The following LRRTM4 variants were observed in gnomAD, a reference collection of about 807,000 sequenced individuals.
LRRTM4 encodes leucine rich repeat transmembrane neuronal 4, also known as leucine-rich repeat transmembrane neuronal protein 4.
Under a neutral mutation model 47.6 loss-of-function variants are expected in LRRTM4, and 25 were observed. That is an observed-to-expected ratio of 0.53 (90% CI 0.38 to 0.73). The LOEUF (loss-of-function observed/expected upper bound fraction) is 0.73. LRRTM4 is among the 30% of genes least tolerant of loss of function. The pLI is 0.00. For missense variants in LRRTM4, 638 were observed against 713.4 expected (o/e 0.89, Z 1.20); for synonymous variants, 311 against 269.5 (o/e 1.15, Z -1.51).
intron 3 of LRRTM4, among the ~76,000 whole-genome samples, chr2:77,508,564 G>A (rs1434785418): frequency 6.6e-6 from 1 of 151,910 alleles, no homozygotes; most frequent in Non-Finnish European, 1.5e-5. Context: ...TGTCTTTTTT[G>A]TCTTTATGGG....
chr2:77,249,075 C>A (rs562022432), intron 3 of LRRTM4, among the ~76,000 whole-genome samples: 1 of 152,054 alleles, frequency 6.6e-6, no homozygotes, highest in Non-Finnish European at 1.5e-5. Flanking sequence ...GGGGGCCTGG[C>A]GCGGTGGCTC....
At chr2:77,306,903 T>C (rs1388307431) in intron 3 of LRRTM4, among the ~76,000 whole-genome samples, 1 of 136,374 alleles carries the variant, frequency 7.3e-6, no homozygotes, top group African/African-American at 3.3e-5. Context: ...CCATATTTTT[T>C]TTTTTTTTTT....
chr2:77,312,655 C>T (rs966257108), intron 3 of LRRTM4, among the ~76,000 whole-genome samples: 1 of 152,154 alleles, frequency 6.6e-6, no homozygotes, highest in Admixed American at 6.5e-5. Context: ...CACTCACACA[C>T]ACTCTTCCAT....
chr2:76,851,167 G>A (rs1185844936), intron 3 of LRRTM4, among the ~76,000 whole-genome samples: 1 of 152,122 alleles, frequency 6.6e-6, no homozygotes, highest in African/African-American at 2.4e-5. Context: ...TAAATTTCAG[G>A]TGATTTACAG....
chr2:77,045,489 G>C (rs574530357), intron 3 of LRRTM4, among the ~76,000 whole-genome samples: 49 of 152,024 alleles, frequency 3.2e-4, no homozygotes, highest in Admixed American at 2.5e-3. Flanking sequence ...CGGTTAGGCT[G>C]TGTCCCCACC....
intron 3 of LRRTM4, among the ~76,000 whole-genome samples, chr2:76,873,409 TATA>T (rs999603686): frequency 1.3e-5 from 2 of 150,654 alleles, no homozygotes; most frequent in African/African-American, 4.9e-5. Context: ...TGTATATGTA[TATA>T]ATGTGTGTAT....
chr2:76,935,059 AAAG>A (rs1674896758), intron 3 of LRRTM4, among the ~76,000 whole-genome samples: 1 of 152,300 alleles, frequency 6.6e-6, no homozygotes, highest in South Asian at 2.1e-4. Context: ...CAAAAAGAGA[AAAG>A]AATAGTAATA....
intron 3 of LRRTM4, among the ~76,000 whole-genome samples, chr2:77,249,368 A>C (rs1230180363): frequency 6.6e-6 from 1 of 152,074 alleles, no homozygotes; most frequent in Non-Finnish European, 1.5e-5. Flanking sequence ...TAAAATAAAT[A>C]AAATGAAATA....
intron 3 of LRRTM4, among the ~76,000 whole-genome samples, chr2:77,164,223 C>T (rs183975290): frequency 2.0e-5 from 3 of 152,280 alleles, no homozygotes; most frequent in East Asian, 3.9e-4. Flanking sequence ...CAGGTCATTA[C>T]ATAATGGTAA....
intron 3 of LRRTM4, among the ~76,000 whole-genome samples, chr2:76,860,408 G>A (rs1439991057): frequency 6.6e-6 from 1 of 152,108 alleles, no homozygotes; most frequent in African/African-American, 2.4e-5. Flanking sequence ...CACATAGTTG[G>A]ATACAAAAAC....
At chr2:76,878,716 A>C (rs934979103) in intron 3 of LRRTM4, among the ~76,000 whole-genome samples, 6 of 152,082 alleles carry the variant, frequency 3.9e-5, no homozygotes, top group African/African-American at 1.4e-4. Context: ...TCTACTAAAA[A>C]TACAAAATTT....
rs1033840749 is a variant in LRRTM4, at chr2:76,890,495, T to C, written c.1552-141579A>G. 5.3e-5 allele frequency among the ~76,000 whole-genome samples: 8 copies of C among 152,164 alleles called. No homozygotes were observed. The East Asian group carries it at 7.7e-4, about 15-fold the overall frequency. ...ATGTTGATTACATTTTCTAAGACTG[T>C]TTAATGTTCATATTGTCTCAGACTC... On this transcript the variant is annotated intron_variant, in intron 3 of 3. Coordinates refer to ENST00000409884, the MANE Select transcript of LRRTM4 (RefSeq NM_001134745.3).
chr2:76,775,612 T>G (rs1174696023), intron 3 of LRRTM4, among the ~76,000 whole-genome samples: 1 of 152,164 alleles, frequency 6.6e-6, no homozygotes, highest in Non-Finnish European at 1.5e-5. Context: ...GGTGTTTATC[T>G]TTTACCATCA....
At chr2:76,845,848 G>A (rs1438644032) in intron 3 of LRRTM4, among the ~76,000 whole-genome samples, 1 of 152,026 alleles carries the variant, frequency 6.6e-6, no homozygotes, top group Non-Finnish European at 1.5e-5. Context: ...CTAGGGAGAG[G>A]GGAAGTTTCA....
rs186427786 is a variant in LRRTM4 at position 77,138,379 on chromosome 2, A to G, written c.1551+379939T>C. Among the ~76,000 whole-genome samples, 459 of 152,324 alleles carry G rather than the reference A, an allele frequency of 3.0e-3. 1 individual carries two copies. The highest frequency in any genetic ancestry group is 0.01 in the African/African-American group (433 of 41,574). The stretch of plus-strand genomic sequence containing the variant: ...ACCTGCTCCTGAATGACTACTGGGT[A>G]CATAACGAAATGAAGGCAGAAATAA... On this transcript the variant is annotated intron_variant, in intron 3 of 3. Coordinates refer to ENST00000409884, the MANE Select transcript of LRRTM4 (RefSeq NM_001134745.3).
chr2:76,963,745 A>T (rs1675937540), intron 3 of LRRTM4, among the ~76,000 whole-genome samples: 1 of 150,898 alleles, frequency 6.6e-6, no homozygotes, highest in Non-Finnish European at 1.5e-5. Flanking sequence ...GTCCCTTGAC[A>T]TATTGTTTAT....
At chr2:77,234,372 A>G (rs1573116854) in intron 3 of LRRTM4, among the ~76,000 whole-genome samples, 1 of 152,286 alleles carries the variant, frequency 6.6e-6, no homozygotes, top group East Asian at 1.9e-4. Context: ...TTAGCTCACA[A>G]AATGGAATCA....
At chr2:76,890,761 G>A (rs767176178) in intron 3 of LRRTM4, among the ~76,000 whole-genome samples, 3 of 151,906 alleles carry the variant, frequency 2.0e-5, no homozygotes, top group Non-Finnish European at 4.4e-5. Context: ...AACATAATAG[G>A]TGGAAAGAGA....
At chr2:77,352,513 G>A (rs1368553937) in intron 3 of LRRTM4, among the ~76,000 whole-genome samples, 1 of 152,058 alleles carries the variant, frequency 6.6e-6, no homozygotes, top group Non-Finnish European at 1.5e-5. Flanking sequence ...CACTATCCCA[G>A]GAAATTGCTT....
Sources: allele counts gnomAD v4.1 joint callset (sites outside exome capture counted in the v4.1 genomes callset), GRCh38; gene constraint gnomAD v4.1.1; transcripts MANE v1.5; gene names NCBI Gene and HGNC (gene_info 2026-07-23, HGNC 2026-07-21).